ELF2: variants seen among roughly 807,000 people sequenced by gnomAD.
The protein encoded by ELF2 is E74 like ETS transcription factor 2.
ELF2 carries 11 observed loss-of-function variants against 54.8 expected under a neutral mutation model. The observed-to-expected ratio is 0.20, with a 90% CI of 0.13 to 0.33. The LOEUF (loss-of-function observed/expected upper bound fraction) is 0.33. Among genes scored for constraint, ELF2 ranks in the 10% least tolerant of loss-of-function variants. The pLI, the probability that ELF2 is intolerant of heterozygous loss-of-function variation, is 1.00. For synonymous variants in ELF2, 203 were observed against 245.1 expected, an observed-to-expected ratio of 0.83 and a Z score of 1.61; for missense variants, 513 against 703.0, an observed-to-expected ratio of 0.73 and a Z score of 3.06.
Position 139,064,919 on chromosome 4 carries a change from CTT to C in ELF2, c.613+2763_613+2764del, listed in dbSNP as rs998604969. Among the ~76,000 whole-genome samples the C allele has an allele frequency of 3.3e-5, 5 of 152,182 alleles. No homozygotes were observed. The East Asian group carries it at 9.6e-4, about 29-fold the overall frequency. On this transcript the variant is annotated intron_variant, in intron 7 of 9. Coordinates refer to ENST00000686138, the MANE Select transcript of ELF2 (RefSeq NM_001331036.3). ...AAACAAAACAAAACAAAAAAAATGACTTTTAACTTTACAAAGTTACATTTGTA... is the reference window on the plus strand; with the variant it reads ...AAACAAAACAAAACAAAAAAAATGACTTAACTTTACAAAGTTACATTTGTA...
chr4:139,102,979 A>G (rs2148791069), intron 4 of ELF2, among the ~76,000 whole-genome samples: 1 of 152,252 alleles, frequency 6.6e-6, no homozygotes, highest in South Asian at 2.1e-4. Flanking sequence ...ACCAAGTGCA[A>G]GCAATCTGCC....
intron 4 of ELF2, among the ~76,000 whole-genome samples, chr4:139,103,601 C>G (rs1166793918): frequency 2.0e-5 from 3 of 152,254 alleles, no homozygotes; most frequent in Non-Finnish European, 4.4e-5. Context: ...TTCCCCAATA[C>G]TTCACGCCCT....
chr4:139,163,769 C>G (rs908330522), intron 1 of ELF2, among the ~76,000 whole-genome samples: 2 of 152,020 alleles, frequency 1.3e-5, no homozygotes, highest in Non-Finnish European at 2.9e-5. Context: ...CAAAAACTAG[C>G]CAGACACACT....
rs1553959712 is a variant in ELF2 at position 139,092,472 on chromosome 4, A to ATAACAT, written c.239-18906_239-18905insATGTTA. Among the ~76,000 whole-genome samples, 591 of 151,124 alleles carry ATAACAT rather than the reference A, an allele frequency of 3.9e-3. 2 individuals carry two copies. The highest frequency in any genetic ancestry group is 6.2e-3 in the Non-Finnish European group (422 of 67,750). ...ATAACATAACATAACATAACATAAC[A>ATAACAT]TAGGGCCGGGCGCGGTGGCTCACAC... On this transcript the variant is annotated intron_variant, in intron 4 of 9. Coordinates refer to ENST00000686138, the MANE Select transcript of ELF2 (RefSeq NM_001331036.3).
At chr4:139,086,980 A>C (rs1038107702) in intron 4 of ELF2, among the ~76,000 whole-genome samples, 2 of 152,328 alleles carry the variant, frequency 1.3e-5, no homozygotes, top group Admixed American at 1.3e-4. Context: ...AACTCCTAAA[A>C]GTAATTTTAT....
At chr4:139,102,597 T>C (rs1049563839) in intron 4 of ELF2, among the ~76,000 whole-genome samples, 14 of 151,042 alleles carry the variant, frequency 9.3e-5, no homozygotes, top group African/African-American at 3.2e-4. Flanking sequence ...TCCCAGCACT[T>C]TGGGAGGCTG....
chr4:139,172,659 A>G (rs924418564), intron 1 of ELF2, among the ~76,000 whole-genome samples: 1 of 152,212 alleles, frequency 6.6e-6, no homozygotes, highest in African/African-American at 2.4e-5. Flanking sequence ...AAAAAACTTT[A>G]TGCTGTTTGC....
intron 1 of ELF2, among the ~76,000 whole-genome samples, chr4:139,150,589 G>A (rs545203226): frequency 6.6e-6 from 1 of 151,618 alleles, no homozygotes; most frequent in East Asian, 1.9e-4. Context: ...CTCAAGAACT[G>A]CTGTAGTCTA....
rs201974828 is a variant in ELF2 at position 139,165,893 on chromosome 4, AG to A, written c.-252+11073del. ...TATTCCAAAAGTATATAAAACTCTT[AG>A]AAATCTAATATGTCATCAGTCATAA... On this transcript the variant is annotated intron_variant, in intron 1 of 9. Coordinates refer to ENST00000686138, the MANE Select transcript of ELF2 (RefSeq NM_001331036.3). Among the ~76,000 whole-genome samples, 714 of 152,354 alleles carry A rather than the reference AG, an allele frequency of 4.7e-3. 7 individuals are homozygous for A. Among genetic ancestry groups the A allele is most frequent in the African/African-American group, 0.016 (686 of 41,578 alleles).
At chr4:139,153,200 C>T (rs1740191277) in intron 1 of ELF2, among the ~76,000 whole-genome samples, 1 of 151,948 alleles carries the variant, frequency 6.6e-6, no homozygotes, top group Admixed American at 6.6e-5. Flanking sequence ...TTTAGGAGGT[C>T]AAGGAAGGCA....
intron 1 of ELF2, among the ~76,000 whole-genome samples, chr4:139,160,302 T>C (rs1027874402): frequency 6.6e-6 from 1 of 152,216 alleles, no homozygotes; most frequent in East Asian, 1.9e-4. Context: ...TAAGAATAGC[T>C]ATCTCAGACC....
intron 4 of ELF2, among the ~76,000 whole-genome samples, chr4:139,111,246 CAG>C (rs1372094336): frequency 6.6e-6 from 1 of 152,114 alleles, no homozygotes; most frequent in Non-Finnish European, 1.5e-5. Context: ...GCTGAAAATA[CAG>C]ATAGAGTTTC....
chr4:139,115,324 G>C (rs1432840308), intron 4 of ELF2: 9 of 1,494,208 alleles, frequency 6.0e-6, no homozygotes, highest in South Asian at 3.8e-5. Context: ...TGCCCGGCCC[G>C]GGGGCCGGGG....
chr4:139,159,587 A>G (rs1415179629), intron 1 of ELF2, among the ~76,000 whole-genome samples: 2 of 152,078 alleles, frequency 1.3e-5, no homozygotes, highest in Non-Finnish European at 2.9e-5. Flanking sequence ...GTCCTGAGCC[A>G]TGGGATCTGA....
chr4:139,150,169 T>A (rs1040483366), intron 1 of ELF2, among the ~76,000 whole-genome samples: 5 of 151,856 alleles, frequency 3.3e-5, no homozygotes, highest in Non-Finnish European at 1.5e-5. Context: ...GCAAAACCCC[T>A]AAAAATACTA....
chr4:139,092,418 TA>T (rs1375514385), intron 4 of ELF2, among the ~76,000 whole-genome samples: 60 of 51,260 alleles, frequency 1.2e-3, no homozygotes, highest in East Asian at 6.5e-3. Context: ...ATAACATACA[TA>T]ACATAACATA....
upstream of ELF2, among the ~76,000 whole-genome samples, chr4:139,177,728 C>T (rs1462360899): frequency 6.6e-6 from 1 of 151,600 alleles, no homozygotes; most frequent in Non-Finnish European, 1.5e-5. Context: ...ACCGCACGCA[C>T]ACACCCTCGC....
intron 4 of ELF2, among the ~76,000 whole-genome samples, chr4:139,078,929 GA>G (rs1730698458): frequency 6.6e-6 from 1 of 151,960 alleles, no homozygotes; most frequent in Admixed American, 6.6e-5. Context: ...CATTTTTTAT[GA>G]AAAATAACTG....
chr4:139,157,527 G>A (rs1740672393), intron 1 of ELF2, among the ~76,000 whole-genome samples: 1 of 152,062 alleles, frequency 6.6e-6, no homozygotes, highest in African/African-American at 2.4e-5. Context: ...TCAGGCTCCT[G>A]AGTAGCTAGG....
Sources: allele counts gnomAD v4.1 joint callset (sites outside exome capture counted in the v4.1 genomes callset), GRCh38; gene constraint gnomAD v4.1.1; transcripts MANE v1.5; gene names NCBI Gene and HGNC (gene_info 2026-07-23, HGNC 2026-07-21).